Variants in DPEP1 observed in about 807,000 individuals in gnomAD.
DPEP1 encodes the protein beta-lactamase.
Under a neutral mutation model 42.3 loss-of-function variants are expected in DPEP1, and 50 were observed. That is an observed-to-expected ratio of 1.18 (90% CI 0.94 to 1.50). The LOEUF is 1.50. DPEP1 is among the 40% of genes most tolerant of loss of function. The probability of loss-of-function intolerance (pLI) is 0.00; values close to 1 mark genes in which losing one functional copy is unlikely to be tolerated. For missense variants in DPEP1, 663 were observed against 553.0 expected, an observed-to-expected ratio of 1.20 and a Z score of -1.99; for synonymous variants, 297 against 234.0, an observed-to-expected ratio of 1.27 and a Z score of -2.46.
intron 1 of DPEP1, among the ~76,000 whole-genome samples, chr16:89,626,067 C>T (rs570512155): frequency 6.6e-6 from 1 of 152,304 alleles, no homozygotes; most frequent in East Asian, 1.9e-4. Flanking sequence ...CTCCCTCTAC[C>T]TGCCCCCCGT....
Position 89,636,040 on chromosome 16 carries a change from G to C in DPEP1, c.237G>C (p.Gln79His). Residue 79 changes from glutamine (Q) to histidine (H), a missense_variant and splice_region_variant, in exon 3 of 11, where the codon CAG becomes CAC. Transcript: ENST00000690203. ...TGAGGGCCGGCTTTGTGGGAGGCCA[G>C]GTACCGCCTGCCCTGCCTTGTGCTT... The part of the protein sequence containing the change: ...PKLRAGFVGG[Q>H]FWSVYTPCDT... The C allele has an allele frequency of 1.2e-6, 2 of 1,605,814 alleles. No homozygotes were observed. The highest frequency in any genetic ancestry group is 8.5e-7 in the Non-Finnish European group (1 of 1,176,450).
rs1308435392 is a variant in DPEP1 at position 89,630,374 on chromosome 16, A to C, written c.-37A>C. 4.5e-6 allele frequency: 7 copies of C among 1,551,806 alleles called. No individual in the cohort carries two copies. The highest frequency in any genetic ancestry group is 6.2e-6 in the Non-Finnish European group (7 of 1,130,192). ...CCAGCCAGGCCAGCACAGAGGCACCAGGGCAGCAGTGCACACAGGTCCCCG... is the reference window on the plus strand; with the variant it reads ...CCAGCCAGGCCAGCACAGAGGCACCCGGGCAGCAGTGCACACAGGTCCCCG... On this transcript the variant is annotated 5_prime_UTR_variant, in exon 2 of 11. Transcript: ENST00000690203.
chr16:89,620,327 C>G (rs1217758716), intron 1 of DPEP1, among the ~76,000 whole-genome samples: 3 of 152,126 alleles, frequency 2.0e-5, no homozygotes, highest in Non-Finnish European at 1.5e-5. Context: ...ACTTGAGACT[C>G]TCTGGGCTCG....
intron 1 of DPEP1, among the ~76,000 whole-genome samples, chr16:89,626,815 C>A (rs2059519404): frequency 6.6e-6 from 1 of 151,972 alleles, no homozygotes; most frequent in African/African-American, 2.4e-5. Flanking sequence ...GGCTTTTTTC[C>A]TTTAAAAATT....
chr16:89,616,362 G>A (rs889551976), intron 1 of DPEP1, among the ~76,000 whole-genome samples: 18 of 152,184 alleles, frequency 1.2e-4, no homozygotes, highest in African/African-American at 4.3e-4. Flanking sequence ...GAGCAGTATG[G>A]CCCAGCCAGC....
intron 1 of DPEP1, among the ~76,000 whole-genome samples, chr16:89,618,298 C>G (rs1011118167): frequency 6.6e-6 from 1 of 152,130 alleles, no homozygotes; most frequent in Admixed American, 6.5e-5. Context: ...CTCACTGTAG[C>G]TTAAACCTCC....
intron 1 of DPEP1, among the ~76,000 whole-genome samples, chr16:89,622,315 T>G (rs2059455012): frequency 1.3e-5 from 2 of 151,882 alleles, no homozygotes; most frequent in Admixed American, 6.6e-5. Context: ...CCCTGGTCAG[T>G]CGGGGACATG....
In DPEP1 at chr16:89,637,276, G is replaced by A. The variant is rs772412918; in HGVS notation, c.664G>A (p.Ala222Thr). Residue 222 changes from alanine (A) to threonine (T), a missense_variant, in exon 7 of 11, where the codon GCC (alanine) becomes ACC (threonine). Ala to Thr is a moderately conservative substitution (Grantham distance 58). Coordinates refer to ENST00000690203, the MANE Select transcript of DPEP1 (RefSeq NM_001389466.1). ...LAHVSVATMK[A>T]TLQLSRAPVI... The stretch of plus-strand genomic sequence containing the variant: ...TCACGTGTCTGTGGCCACCATGAAG[G>A]CCACCCTGCAGCTGTCCAGAGCCCC... The A allele has an allele frequency of 3.1e-6, 5 of 1,612,712 alleles. No individual in the cohort carries two copies. Among genetic ancestry groups the A allele is most frequent in the East Asian group, 2.2e-5 (1 of 44,882 alleles).
At chr16:89,629,480 C>T (rs1458767477) in intron 1 of DPEP1, among the ~76,000 whole-genome samples, 6 of 151,566 alleles carry the variant, frequency 4.0e-5, no homozygotes, top group Non-Finnish European at 5.9e-5. Context: ...CCAGCTGGGG[C>T]GATCCTCCTT....
chr16:89,637,429 C>G, intron 7 of DPEP1, 39 bp from the exon 8 acceptor site: 1 of 1,612,768 alleles, frequency 6.2e-7, no homozygotes, highest in Non-Finnish European at 8.5e-7. Context: ...GGCAGGCCCT[C>G]CCAGCTCTCA....
At chr16:89,633,853 C>T (rs1241760822) in intron 2 of DPEP1, among the ~76,000 whole-genome samples, 2 of 152,148 alleles carry the variant, frequency 1.3e-5, no homozygotes, top group Non-Finnish European at 2.9e-5. Context: ...CAGCGCACAC[C>T]CTCACAAGGC....
At chr16:89,618,825 G>T (rs1333898704) in intron 1 of DPEP1, among the ~76,000 whole-genome samples, 2 of 151,994 alleles carry the variant, frequency 1.3e-5, no homozygotes, top group Non-Finnish European at 2.9e-5. Context: ...CAGAACGGTA[G>T]GAACCCTGCA....
At chr16:89,638,496 T>C (rs1394976604), downstream of DPEP1, 38 of 1,260,936 alleles carry the variant, frequency 3.0e-5, no homozygotes, top group Non-Finnish European at 3.6e-5. Context: ...AAATGGCTCC[T>C]GGTTGGACGT....
intron 1 of DPEP1, among the ~76,000 whole-genome samples, chr16:89,617,706 A>G (rs77830134): frequency 0.66 from 7,921 of 12,058 alleles, 2,211 homozygotes; most frequent in Non-Finnish European, 0.75. Context: ...GAGGTTGGGC[A>G]CGGTGGCTCA....
intron 2 of DPEP1, among the ~76,000 whole-genome samples, chr16:89,634,321 T>G (rs1597767783): frequency 6.6e-6 from 1 of 152,060 alleles, no homozygotes; most frequent in Non-Finnish European, 1.5e-5. Context: ...TCTCCTGACC[T>G]TGTGATCTGC....
At chr16:89,635,436 G>GC (rs1233625475) in intron 2 of DPEP1, among the ~76,000 whole-genome samples, 2 of 152,164 alleles carry the variant, frequency 1.3e-5, no homozygotes, top group Non-Finnish European at 2.9e-5. Context: ...GGGGTCCCAG[G>GC]CCCCCCAAGG....
Position 89,638,249 on chromosome 16 carries a change from G to A in DPEP1, c.*27G>A. The A allele has an allele frequency of 6.6e-7, 1 of 1,507,430 alleles. No individual in the cohort carries two copies. The highest frequency in any genetic ancestry group is 8.9e-7 in the Non-Finnish European group (1 of 1,124,788). 93.4% of individuals were successfully genotyped at this position (1,507,430 alleles called of 1,614,324 possible). On this transcript the variant is annotated 3_prime_UTR_variant, in exon 11 of 11. Coordinates refer to ENST00000690203, the MANE Select transcript of DPEP1 (RefSeq NM_001389466.1). ...ACCTGGGAGACCAGAGTCCCCTTTA[G>A]GGTTCCCGGAGCTCCGGGAAGACCC...
intron 1 of DPEP1, among the ~76,000 whole-genome samples, chr16:89,618,551 A>G (rs2059405016): frequency 6.6e-6 from 1 of 152,090 alleles, no homozygotes; most frequent in Non-Finnish European, 1.5e-5. Flanking sequence ...GTTTTGAGAC[A>G]GGGTCTCACT....
intron 1 of DPEP1, 87 bp from the exon 2 acceptor site, chr16:89,630,218 G>A (rs2059566355): frequency 4.3e-6 from 2 of 461,278 alleles, no homozygotes; most frequent in African/African-American, 4.1e-5. Context: ...GAATGTGCTG[G>A]TTACTTATTG....
Sources: gnomAD v4.1 joint callset for allele counts (sites outside exome capture counted in the v4.1 genomes callset) on GRCh38, gnomAD v4.1.1 for gene constraint, MANE v1.5 for transcripts, NCBI Gene and HGNC (gene_info 2026-07-23, HGNC 2026-07-21) for gene names.